The following PSMD6 variants were observed in gnomAD, a reference collection of about 807,000 sequenced individuals.
PSMD6 encodes 26S proteasome non-ATPase regulatory subunit 6.
PSMD6 carries 7 observed loss-of-function variants against 44.9 expected under a neutral mutation model. The observed-to-expected ratio is 0.16, with a 90% confidence interval of 0.09 to 0.29. PSMD6 has a LOEUF of 0.29. Ranked by LOEUF, PSMD6 falls within the 10% of genes least tolerant of loss-of-function variation. The probability of loss-of-function intolerance (pLI) is 1.00; values close to 1 mark genes in which losing one functional copy is unlikely to be tolerated. For missense variants in PSMD6, 420 were observed against 482.6 expected, an observed-to-expected ratio of 0.87 and a Z score of 1.21; for synonymous variants, 184 against 172.7, an observed-to-expected ratio of 1.07 and a Z score of -0.51.
rs1466418827 is a variant in PSMD6 at position 64,023,341 on chromosome 3, T to C, written c.79A>G (p.Ser27Gly). 3 of 1,608,940 alleles carry C rather than the reference T, an allele frequency of 1.9e-6. No homozygotes were observed. The highest frequency in any genetic ancestry group is 2.5e-6 in the Non-Finnish European group (3 of 1,177,804). ...LRIAQLRFLL[S>G]LPEHRGDAAV... The stretch of plus-strand genomic sequence containing the variant: ...GCGTCTCCGCGGTGCTCGGGCAGGC[T>C]GAGCAGGAAGCGCAGCTGCGCGATA... Residue 27 changes from serine (S) to glycine (G), a missense_variant, in exon 1 of 8, where the codon AGC (serine) becomes GGC (glycine). Around this residue, in one of 4 missense-constraint regions of PSMD6, gnomAD observed 136 missense variants for 124.2 expected, o/e 1.09. Transcript: ENST00000295901.
At chr3:64,019,537 A>G (rs2076097779) in intron 2 of PSMD6, 96 bp from the exon 3 acceptor site, 2 of 1,351,448 alleles carry the variant, frequency 1.5e-6, no homozygotes, top group South Asian at 2.7e-5. Flanking sequence ...TTGAGGGAAG[A>G]GGTAGGAGTA....
At chr3:64,017,948 C>T (rs1054367398) in intron 5 of PSMD6, among the ~76,000 whole-genome samples, 1 of 152,082 alleles carries the variant, frequency 6.6e-6, no homozygotes, top group Non-Finnish European at 1.5e-5. Flanking sequence ...ATTAGGAAAC[C>T]AAATAGCCAG....
chr3:64,011,612 A>C (rs541246934), intron 6 of PSMD6: 1 of 152,112 alleles, frequency 6.6e-6, no homozygotes, highest in Non-Finnish European at 1.5e-5. Flanking sequence ...TCAGTGGTAC[A>C]ACCTTTGCCT....
chr3:64,011,740 T>A (rs550482194), intron 6 of PSMD6: 13 of 152,296 alleles, frequency 8.5e-5, no homozygotes, highest in African/African-American at 3.1e-4. Flanking sequence ...CAAGATGACT[T>A]AAGGAATACT....
At chr3:64,011,133 C>G in intron 6 of PSMD6, 178 bp from the exon 7 acceptor site, 1 of 515,404 alleles carries the variant, frequency 1.9e-6, no homozygotes, top group South Asian at 3.0e-5. Context: ...AAGTCATCAT[C>G]TACTAGAATA....
At chr3:64,022,637 A>G (rs754992821) in intron 1 of PSMD6, 114 bp from the exon 2 acceptor site, 44 of 1,564,636 alleles carry the variant, frequency 2.8e-5, no homozygotes, top group Non-Finnish European at 3.7e-5. Context: ...TCTCTTCCCC[A>G]CTAACAGGAA....
At position 64,010,749 on chromosome 3, in the gene PSMD6, G is replaced by T; in HGVS notation, c.1089C>A (p.Asn363Lys). ...IVETNRPDSK[N>K]WQYQETIKKG... ...TCTTGATAGTTTCTTGGTACTGCCA[G>T]TTCTTGCTATCAGGTCTATAAATAA... is the stretch of plus-strand genomic sequence containing the variant. The change falls in exon 8 of 8, where the codon AAC becomes AAA. Residue 363 changes from asparagine to lysine, a missense_variant. Coordinates refer to ENST00000295901, the MANE Select transcript of PSMD6 (RefSeq NM_014814.3). 6.2e-7 allele frequency: 1 copy of T among 1,608,548 alleles called. No individual in the cohort carries two copies. Among genetic ancestry groups the T allele is most frequent in the Non-Finnish European group, 8.5e-7 (1 of 1,176,366 alleles).
chr3:64,016,441 T>A (rs1281816767), intron 5 of PSMD6: 1 of 151,732 alleles, frequency 6.6e-6, no homozygotes, highest in East Asian at 1.9e-4. Flanking sequence ...TGTCCTGCTG[T>A]CAGGGTCATG....
intron 6 of PSMD6, 63 bp from the exon 7 acceptor site, chr3:64,011,018 G>A (rs994659030): frequency 3.2e-5 from 43 of 1,335,070 alleles, no homozygotes; most frequent in South Asian, 1.3e-4. Flanking sequence ...AAATGCAAAC[G>A]GCATTAAAAT....
At chr3:64,023,134 T>C in intron 1 of PSMD6, 141 bp downstream of exon 1, 1 of 1,421,816 alleles carries the variant, frequency 7.0e-7, no homozygotes, top group Non-Finnish European at 9.2e-7. Context: ...AGCAAAACCC[T>C]AAGGGCCGGA....
At chr3:64,021,064 T>C (rs1444533444) in intron 2 of PSMD6, among the ~76,000 whole-genome samples, 1 of 150,964 alleles carries the variant, frequency 6.6e-6, no homozygotes, top group Non-Finnish European at 1.5e-5. Context: ...CACACATATT[T>C]AAAAAAAAGA....
chr3:64,021,511 G>A (rs955768911), intron 2 of PSMD6, among the ~76,000 whole-genome samples: 4 of 152,022 alleles, frequency 2.6e-5, no homozygotes, highest in Non-Finnish European at 4.4e-5. Flanking sequence ...AAAATTTTAC[G>A]TAAAAAAGAT....
At chr3:64,013,277 G>A in intron 6 of PSMD6, 162 bp downstream of exon 6, 1 of 612,844 alleles carries the variant, frequency 1.6e-6, no homozygotes, top group Non-Finnish European at 2.7e-6. Context: ...GGAAGGCAGA[G>A]GCAACAGGAT....
At position 64,023,320 on chromosome 3, in the gene PSMD6, C is replaced by A; in HGVS notation, c.100G>T (p.Asp34Tyr). 1 of 1,598,960 alleles carries A rather than the reference C, an allele frequency of 6.3e-7. No individual in the cohort carries two copies. The highest frequency in any genetic ancestry group is 8.5e-7 in the Non-Finnish European group (1 of 1,173,362). Residue 34 changes from aspartate (D) to tyrosine (Y), a missense_variant, in exon 1 of 8, where the codon GAC becomes TAC. Transcript: ENST00000295901. ...ATCAGCTCGTCGCGCACGGCAGCGT[C>A]TCCGCGGTGCTCGGGCAGGCTGAGC... ...FLLSLPEHRGDAAVRDELMAA... is the reference protein window; with the variant it reads ...FLLSLPEHRGYAAVRDELMAA...
intron 5 of PSMD6, chr3:64,015,433 T>C (rs2076027572): frequency 6.6e-6 from 1 of 152,172 alleles, no homozygotes; most frequent in East Asian, 1.9e-4. Context: ...CAGTAGAGGA[T>C]AAATTATGGC....
intron 3 of PSMD6, 54 bp from the exon 4 acceptor site, chr3:64,019,091 T>TA: frequency 6.7e-7 from 1 of 1,492,144 alleles, no homozygotes; most frequent in Non-Finnish European, 9.2e-7. Flanking sequence ...GGCCACGTTT[T>TA]AAAAACTTGT....
chr3:64,023,108 G>C (rs892356183), intron 1 of PSMD6, 167 bp downstream of exon 1: 10 of 1,426,290 alleles, frequency 7.0e-6, no homozygotes, highest in Non-Finnish European at 9.1e-6. Flanking sequence ...GGTCCCCCAG[G>C]GTATCCCCAA....
intron 6 of PSMD6, chr3:64,013,211 A>G: frequency 2.3e-6 from 1 of 426,422 alleles, no homozygotes; most frequent in Non-Finnish European, 4.1e-6. Flanking sequence ...CAAATCACTT[A>G]GCCTCACTAC....
In PSMD6 at chr3:64,018,405, G is replaced by T. The variant is rs78272834; in HGVS notation, c.826+194C>A. 38 of 474,248 alleles carry T rather than the reference G, an allele frequency of 8.0e-5. No individual in the cohort carries two copies. The East Asian group carries it at 1.2e-3, about 15-fold the overall frequency. The allele number at this position is 474,248 out of a possible 1,614,324, so 29.4% of individuals were successfully genotyped here. ...ATGTAAAAATCATTCTTACCTCCTG[G>T]GCCATACAGCAGGCCACAATCTGAT... On this transcript the variant is annotated intron_variant, in intron 5 of 7. Transcript: ENST00000295901.
Sources: gnomAD v4.1 joint callset for allele counts (sites outside exome capture counted in the v4.1 genomes callset) on GRCh38, gnomAD v4.1.1 for gene constraint, gnomAD v4.1.1 regional missense constraint, MANE v1.5 for transcripts, NCBI Gene and HGNC (gene_info 2026-07-23, HGNC 2026-07-21) for gene names.